Variants in USP39 observed in about 807,000 individuals in gnomAD.
USP39 encodes ubiquitin carboxyl-terminal hydrolase 39.
Under a neutral mutation model 66.4 loss-of-function variants are expected in USP39, and 38 were observed. The ratio of observed to expected loss-of-function variants is 0.57; its 90% CI spans 0.44 to 0.75. The LOEUF is 0.75. Ranked by LOEUF, USP39 falls within the 30% of genes least tolerant of loss-of-function variation. The pLI, the probability that USP39 is intolerant of heterozygous loss-of-function variation, is 0.00. For missense variants in USP39, 608 were observed against 714.4 expected (o/e 0.85, Z 1.70); for synonymous variants, 303 against 274.6 (o/e 1.10, Z -1.02).
chr2:85,617,899 G>A (rs532427536), intron 1 of USP39, among the ~76,000 whole-genome samples: 1 of 151,922 alleles, frequency 6.6e-6, no homozygotes, highest in South Asian at 2.1e-4. Context: ...AGTAGGGTAA[G>A]ATCTGAGACC....
chr2:85,640,642 T>C (rs1396713424), intron 9 of USP39, among the ~76,000 whole-genome samples: 1 of 150,350 alleles, frequency 6.7e-6, no homozygotes, highest in Non-Finnish European at 1.5e-5. Context: ...TTTTTTTTCT[T>C]TTTCCTTTTT....
At chr2:85,617,219 G>A (rs1435648585) in intron 1 of USP39, among the ~76,000 whole-genome samples, 2 of 151,434 alleles carry the variant, frequency 1.3e-5, no homozygotes, top group Non-Finnish European at 2.9e-5. Flanking sequence ...CTCCCAAAGT[G>A]CTGGGTTTAC....
Position 85,630,656 on chromosome 2 carries a change from G to A in USP39, c.724-65G>A. On this transcript the variant is annotated intron_variant, in intron 5 of 12. Transcript: ENST00000323701. ...AAATTCTATTAGGAGAACTTTAATT[G>A]GAAGAGCTTGGCTCAAGGGGTCCTA... The A allele has an allele frequency of 2.0e-6, 3 of 1,476,822 alleles. No homozygotes were observed. In the South Asian group the frequency reaches 3.6e-5, roughly 18 times the overall value. The allele number at this position is 1,476,822 out of a possible 1,614,324, so 91.5% of individuals were successfully genotyped here.
intron 5 of USP39, among the ~76,000 whole-genome samples, chr2:85,630,367 C>T (rs1371332420): frequency 6.6e-6 from 1 of 152,178 alleles, no homozygotes; most frequent in Admixed American, 6.6e-5. Flanking sequence ...TTATAGCCTT[C>T]TGCCTTATGA....
upstream of USP39, chr2:85,611,038 C>T (rs1025509529): frequency 1.2e-5 from 2 of 168,000 alleles, no homozygotes; most frequent in Non-Finnish European, 2.5e-5. Context: ...GGATTACAGG[C>T]GAGAGCCACC....
chr2:85,618,518 C>T (rs538827522), intron 1 of USP39, among the ~76,000 whole-genome samples: 16 of 148,740 alleles, frequency 1.1e-4, no homozygotes, highest in African/African-American at 2.7e-4. Context: ...GCTGAGATCG[C>T]GCCATTGCAC....
At chr2:85,606,782 C>G (rs1015817925) in intron 1 of USP39, 15 of 151,420 alleles carry the variant, frequency 9.9e-5, no homozygotes, top group African/African-American at 3.4e-4. Flanking sequence ...TTTACCTCTT[C>G]CTTTTTTTTT....
chr2:85,607,302 G>A (rs1673251312), upstream of USP39: 1 of 152,258 alleles, frequency 6.6e-6, no homozygotes, highest in African/African-American at 2.4e-5. Context: ...CAGGGGTGGA[G>A]TTTGGGAGAG....
chr2:85,608,941 A>G (rs1454456494), upstream of USP39: 3 of 1,613,934 alleles, frequency 1.9e-6, no homozygotes, highest in African/African-American at 1.3e-5. Context: ...CGCCTTCAAC[A>G]TGGTCAGTGT....
At chr2:85,632,353 C>T (rs1021678694) in intron 6 of USP39, among the ~76,000 whole-genome samples, 1 of 151,808 alleles carries the variant, frequency 6.6e-6, no homozygotes, top group Non-Finnish European at 1.5e-5. Flanking sequence ...CCCAGGAGTT[C>T]AAGGCTACAG....
chr2:85,604,461 CT>C (rs1330206542), intron 1 of USP39, among the ~76,000 whole-genome samples: 1 of 152,190 alleles, frequency 6.6e-6, no homozygotes, highest in Non-Finnish European at 1.5e-5. Context: ...ATCCGCTCGC[CT>C]TGGCCTCTCA....
At chr2:85,642,117 C>T (rs1676278799) in intron 10 of USP39, among the ~76,000 whole-genome samples, 1 of 151,910 alleles carries the variant, frequency 6.6e-6, no homozygotes, top group African/African-American at 2.4e-5. Flanking sequence ...GGCCTGAGCC[C>T]TAGGGGTTTG....
At chr2:85,645,713 A>G (rs1442958611) in intron 11 of USP39, 1 of 152,292 alleles carries the variant, frequency 6.6e-6, no homozygotes, top group African/African-American at 2.4e-5. Context: ...ACAAAGAATT[A>G]TCTGACCCTA....
intron 9 of USP39, 88 bp from the exon 10 acceptor site, chr2:85,640,888 T>A: frequency 7.7e-7 from 1 of 1,291,958 alleles, no homozygotes; most frequent in Non-Finnish European, 1.1e-6. Flanking sequence ...AAATTATATT[T>A]TAAAAAATCG....
At chr2:85,608,127 A>G (rs567828986), upstream of USP39, 1 of 152,296 alleles carries the variant, frequency 6.6e-6, no homozygotes, top group Admixed American at 6.5e-5. Flanking sequence ...CTAGGAATCA[A>G]GTTGAAAGTT....
chr2:85,618,535 C>T (rs1319683330), intron 1 of USP39, among the ~76,000 whole-genome samples: 4 of 145,618 alleles, frequency 2.7e-5, no homozygotes, highest in African/African-American at 1.0e-4. Context: ...GCACTCCAGC[C>T]TGGGGGACAG....
At chr2:85,604,593 AG>A (rs943600438) in intron 1 of USP39, among the ~76,000 whole-genome samples, 3 of 152,204 alleles carry the variant, frequency 2.0e-5, no homozygotes, top group African/African-American at 7.2e-5. Context: ...TCACTGTACA[AG>A]CACACCTGGC....
intron 8 of USP39, 86 bp from the exon 9 acceptor site, chr2:85,639,117 A>G (rs975878947): frequency 1.5e-6 from 2 of 1,328,056 alleles, no homozygotes. Context: ...GATGAAGGAA[A>G]TGTCGGCGTG....
chr2:85,630,529 A>G (rs1007234629), intron 5 of USP39, among the ~76,000 whole-genome samples, 192 bp from the exon 6 acceptor site: 1 of 152,220 alleles, frequency 6.6e-6, no homozygotes, highest in Non-Finnish European at 1.5e-5. Flanking sequence ...TGTAGTTCGT[A>G]TGAAACTCAA....
Sources: gnomAD v4.1 joint callset for allele counts (sites outside exome capture counted in the v4.1 genomes callset) on GRCh38, gnomAD v4.1.1 for gene constraint, MANE v1.5 for transcripts, NCBI Gene and HGNC (gene_info 2026-07-23, HGNC 2026-07-21) for gene names.